CDC14B: variants seen among roughly 807,000 people sequenced by gnomAD.
The protein encoded by CDC14B is dual specificity protein phosphatase CDC14B.
CDC14B carries 22 observed loss-of-function variants against 64.2 expected under a neutral mutation model. The ratio of observed to expected loss-of-function variants is 0.34; its 90% CI spans 0.24 to 0.49. The LOEUF (loss-of-function observed/expected upper bound fraction) is 0.49. CDC14B is among the 20% of genes least tolerant of loss of function. The probability of loss-of-function intolerance (pLI) is 0.99; values close to 1 mark genes in which losing one functional copy is unlikely to be tolerated. For synonymous variants in CDC14B, 191 were observed against 215.8 expected (o/e 0.89, Z 1.01); for missense variants, 498 against 629.9 (o/e 0.79, Z 2.24).
intron 13 of CDC14B, among the ~76,000 whole-genome samples, chr9:96,505,288 T>C (rs1346648489): frequency 6.6e-6 from 1 of 151,712 alleles, no homozygotes; most frequent in Non-Finnish European, 1.5e-5. Flanking sequence ...CCCCGGACCT[T>C]AGGTTTGGTT....
At chr9:96,498,888 G>T (rs2131195903), downstream of CDC14B, among the ~76,000 whole-genome samples, 1 of 152,352 alleles carries the variant, frequency 6.6e-6, no homozygotes, top group East Asian at 1.9e-4. Context: ...TAGATGACAG[G>T]GAAGGAGACA....
chr9:96,608,907 AC>A (rs1847137488), intron 1 of CDC14B, among the ~76,000 whole-genome samples: 2 of 152,000 alleles, frequency 1.3e-5, no homozygotes, highest in Admixed American at 1.3e-4. Context: ...ACACACACAC[AC>A]ACACACACAC....
chr9:96,525,363 T>C (rs1189350200), intron 9 of CDC14B, among the ~76,000 whole-genome samples: 1 of 151,790 alleles, frequency 6.6e-6, no homozygotes, highest in Non-Finnish European at 1.5e-5. Flanking sequence ...GATGCAAACA[T>C]TCTTTGTCCT....
At chr9:96,578,126 G>C (rs28555188) in intron 1 of CDC14B, among the ~76,000 whole-genome samples, 24,740 of 152,196 alleles carry the variant, frequency 0.16, 6,689 homozygotes, top group African/African-American at 0.56. Flanking sequence ...CTGAAAAACT[G>C]CAATAGTCAA....
chr9:96,531,991 C>T (rs1169296978), intron 9 of CDC14B, among the ~76,000 whole-genome samples: 2 of 151,926 alleles, frequency 1.3e-5, no homozygotes, highest in African/African-American at 2.4e-5. Flanking sequence ...AATTTACTGG[C>T]GATGTTATTA....
chr9:96,516,618 T>C (rs1045892178), intron 12 of CDC14B, among the ~76,000 whole-genome samples: 1 of 151,762 alleles, frequency 6.6e-6, no homozygotes, highest in Non-Finnish European at 1.5e-5. Flanking sequence ...TAGTTGGGAT[T>C]AGAGGCGCAC....
chr9:96,599,524 ATC>A (rs1158815109), intron 1 of CDC14B, among the ~76,000 whole-genome samples: 1 of 152,224 alleles, frequency 6.6e-6, no homozygotes, highest in Non-Finnish European at 1.5e-5. Flanking sequence ...TTCAAAGAGA[ATC>A]TGTTTAATGC....
chr9:96,571,052 C>T (rs1048175130), intron 1 of CDC14B, among the ~76,000 whole-genome samples: 9 of 152,112 alleles, frequency 5.9e-5, no homozygotes, highest in African/African-American at 9.6e-5. Flanking sequence ...AAGGCCTTAT[C>T]CAATATACGG....
At chr9:96,555,212 A>C (rs890454400) in intron 4 of CDC14B, among the ~76,000 whole-genome samples, 2 of 152,156 alleles carry the variant, frequency 1.3e-5, no homozygotes, top group Non-Finnish European at 2.9e-5. Context: ...TACTGGAGTA[A>C]TAGGGTGTGA....
At chr9:96,607,000 T>G (rs1846989712) in intron 1 of CDC14B, among the ~76,000 whole-genome samples, 2 of 151,710 alleles carry the variant, frequency 1.3e-5, no homozygotes, top group African/African-American at 4.8e-5. Flanking sequence ...GCATTCCAGC[T>G]TGGCCAAGAG....
At chr9:96,586,898 C>A (rs887939844) in intron 1 of CDC14B, among the ~76,000 whole-genome samples, 1 of 151,910 alleles carries the variant, frequency 6.6e-6, no homozygotes, top group Admixed American at 6.6e-5. Flanking sequence ...ACAGGCCAGG[C>A]GCGGTGGCTC....
At chr9:96,606,257 C>T (rs1262629215) in intron 1 of CDC14B, among the ~76,000 whole-genome samples, 1 of 136,338 alleles carries the variant, frequency 7.3e-6, no homozygotes, top group African/African-American at 2.9e-5. Context: ...CACTTGAACC[C>T]AGGAGGCAGA....
rs374197322 is a variant in CDC14B, at chr9:96,507,407, G to C, written c.1460+2266C>G. On this transcript the variant is annotated intron_variant, in intron 13 of 13. Coordinates refer to ENST00000375241, the MANE Select transcript of CDC14B (RefSeq NM_033331.4). Reference sequence around the variant, plus strand: ...TAACAATTAACTGTCATCAACGATAGGCTTTTTATTTGATTTTTTTTTTTT... The same window carrying C: ...TAACAATTAACTGTCATCAACGATACGCTTTTTATTTGATTTTTTTTTTTT... 2.6e-5 allele frequency among the ~76,000 whole-genome samples: 4 copies of C among 151,360 alleles called. No individual in the cohort carries two copies. In the East Asian group the frequency reaches 5.8e-4, roughly 22 times the overall value.
intron 5 of CDC14B, among the ~76,000 whole-genome samples, chr9:96,547,231 G>A (rs540190420): frequency 4.6e-5 from 7 of 151,980 alleles, no homozygotes; most frequent in East Asian, 3.9e-4. Context: ...CTGGGAAGCC[G>A]AGGCTGGTGG....
intron 5 of CDC14B, among the ~76,000 whole-genome samples, chr9:96,544,932 GA>G (rs895533687): frequency 2.6e-5 from 4 of 152,094 alleles, no homozygotes; most frequent in Non-Finnish European, 4.4e-5. Context: ...TATTCAGAAA[GA>G]AAAAAACAAA....
intron 12 of CDC14B, 60 bp from the exon 13 acceptor site, chr9:96,509,849 CAGAGG>C: frequency 9.5e-7 from 1 of 1,054,324 alleles, no homozygotes; most frequent in Non-Finnish European, 1.4e-6. Context: ...AAATACTTGA[CAGAGG>C]AAAGTATTTT....
chr9:96,605,517 C>T (rs1846835705), intron 1 of CDC14B, among the ~76,000 whole-genome samples: 2 of 152,154 alleles, frequency 1.3e-5, no homozygotes, highest in Admixed American at 1.3e-4. Flanking sequence ...AGTAACCTGC[C>T]TGATAATGAG....
chr9:96,619,260 C>T lies in CDC14B; in HGVS notation c.119G>A (p.Arg40His). 5.9e-6 allele frequency: 8 copies of T among 1,360,722 alleles called. No individual in the cohort carries two copies. The highest frequency in any genetic ancestry group is 2.2e-5 in the South Asian group (1 of 44,952). 84.3% of individuals were successfully genotyped at this position (1,360,722 alleles called of 1,614,324 possible). Reference sequence around the variant, plus strand: ...CACGTCGTCCTGGGGGTCCCGGCGGCGCGGGTCTTGCTGCGTGGAGCTGCG... The same window carrying T: ...CACGTCGTCCTGGGGGTCCCGGCGGTGCGGGTCTTGCTGCGTGGAGCTGCG... Reference protein sequence around the residue: ...KIRSSTQQDPRRRDPQDDVYL... With the variant: ...KIRSSTQQDPHRRDPQDDVYL... The change falls in exon 1 of 14, where the codon CGC becomes CAC. Residue 40 changes from arginine (R) to histidine (H), a missense_variant. By Grantham distance (29) the Arg-to-His change is conservative. Coordinates refer to ENST00000375241, the MANE Select transcript of CDC14B (RefSeq NM_033331.4).
intron 9 of CDC14B, among the ~76,000 whole-genome samples, chr9:96,526,408 C>T (rs1446042118): frequency 6.6e-6 from 1 of 152,064 alleles, no homozygotes; most frequent in Non-Finnish European, 1.5e-5. Flanking sequence ...TAAGTGCAAA[C>T]CATGAGAAGA....
Sources: gnomAD v4.1 joint callset for allele counts (sites outside exome capture counted in the v4.1 genomes callset) on GRCh38, gnomAD v4.1.1 for gene constraint, MANE v1.5 for transcripts, NCBI Gene and HGNC (gene_info 2026-07-23, HGNC 2026-07-21) for gene names.